Variants in PCIF1 observed in about 807,000 individuals in gnomAD.
PCIF1 encodes mRNA (2'-O-methyladenosine-N(6)-)-methyltransferase.
A neutral mutation model predicts 86.9 loss-of-function variants in PCIF1; 12 were observed. The ratio of observed to expected loss-of-function variants is 0.14; its 90% CI spans 0.09 to 0.22. The LOEUF is 0.22. Ranked by LOEUF, PCIF1 falls within the 10% of genes least tolerant of loss-of-function variation. PCIF1 has a pLI of 1.00. For synonymous variants in PCIF1, 397 were observed against 372.0 expected (o/e 1.07, Z -0.77); for missense variants, 701 against 951.1 (o/e 0.74, Z 3.46).
At position 45,943,543 on chromosome 20, in the gene PCIF1, T is replaced by C. The variant is rs1053023752; in HGVS notation, c.905+120T>C. The C allele has an allele frequency of 4.5e-6, 6 of 1,334,444 alleles. No homozygotes were observed. The highest frequency in any genetic ancestry group is 6.2e-6 in the Non-Finnish European group (6 of 963,296). 82.7% of individuals were successfully genotyped at this position (1,334,444 alleles called of 1,614,324 possible). On this transcript the variant is annotated intron_variant, in intron 9 of 16. Coordinates refer to ENST00000372409, the MANE Select transcript of PCIF1 (RefSeq NM_022104.4). The surrounding 1 kb of genome is among the most constrained non-coding windows in gnomAD (Gnocchi z 5.5). ...TCTCGGTGGCAGAAGTGGGGCCAGC[T>C]CCCAAAGGCAGAACAAGGGCTGTGA... is the stretch of plus-strand genomic sequence containing the variant.
rs1452254536 is a variant in PCIF1 at position 45,947,976 on chromosome 20, G to A, written c.*221G>A. On this transcript the variant is annotated 3_prime_UTR_variant, in exon 17 of 17. Coordinates refer to ENST00000372409, the MANE Select transcript of PCIF1 (RefSeq NM_022104.4). This position sits in a 1 kb window ranked among gnomAD's most constrained non-coding sequence, Gnocchi z 5.4. Reference sequence around the variant, plus strand: ...TCCCAACCCCGCCCCTCACCCTGTTGCCACCTTGTTTCATTTGTAAAAGGA... The same window carrying A: ...TCCCAACCCCGCCCCTCACCCTGTTACCACCTTGTTTCATTTGTAAAAGGA... 1.3e-6 allele frequency: 2 copies of A among 1,527,486 alleles called. No homozygotes were observed. Among genetic ancestry groups the A allele is most frequent in the African/African-American group, 1.4e-5 (1 of 72,770 alleles). The allele number at this position is 1,527,486 out of a possible 1,614,324, so 94.6% of individuals were successfully genotyped here.
chr20:45,947,452 A>T lies in PCIF1; in HGVS notation c.1883+14A>T. On this transcript the variant is annotated intron_variant, in intron 16 of 16. Transcript: ENST00000372409. The surrounding 1 kb of genome is among the most constrained non-coding windows in gnomAD (Gnocchi z 5.4). Reference sequence around the variant, plus strand: ...CATCTGCAAGAAGTGGGTGCCAGGGAGGGCAGGGGAAGGAGGCTGGGCTGG... The same window carrying T: ...CATCTGCAAGAAGTGGGTGCCAGGGTGGGCAGGGGAAGGAGGCTGGGCTGG... The T allele has an allele frequency of 1.2e-6, 2 of 1,613,678 alleles. No individual in the cohort carries two copies. The highest frequency in any genetic ancestry group is 1.3e-5 in the African/African-American group (1 of 75,050).
In PCIF1 at chr20:45,947,179, C is replaced by A; in HGVS notation, c.1707+13C>A. 1 of 1,609,684 alleles carries A rather than the reference C, an allele frequency of 6.2e-7. No homozygotes were observed. Among genetic ancestry groups the A allele is most frequent in the Non-Finnish European group, 8.5e-7 (1 of 1,176,700 alleles). ...CTCTCACTTTGAGGTGGGTGCACTGCCAGGGTGAGAGGTGGGCAACAGGCA... is the reference window on the plus strand; with the variant it reads ...CTCTCACTTTGAGGTGGGTGCACTGACAGGGTGAGAGGTGGGCAACAGGCA... On this transcript the variant is annotated intron_variant, in intron 15 of 16. Coordinates refer to ENST00000372409, the MANE Select transcript of PCIF1 (RefSeq NM_022104.4). The surrounding 1 kb of genome is among the most constrained non-coding windows in gnomAD (Gnocchi z 5.4).
chr20:45,935,193 TGC>T (rs57434270), intron 1 of PCIF1, among the ~76,000 whole-genome samples: 36 of 144,686 alleles, frequency 2.5e-4, no homozygotes, highest in East Asian at 1.1e-3. Context: ...GAGGGGAAGG[TGC>T]GCGCGCGCGC....
At chr20:45,939,641 G>A (rs1300689646) in intron 4 of PCIF1, among the ~76,000 whole-genome samples, 1 of 152,256 alleles carries the variant, frequency 6.6e-6, no homozygotes, top group East Asian at 1.9e-4. Flanking sequence ...GGTGACAGCA[G>A]GATTACACTT....
intron 7 of PCIF1, 26 bp downstream of exon 7, chr20:45,941,233 C>CT: frequency 6.4e-7 from 1 of 1,565,988 alleles, no homozygotes; most frequent in South Asian, 1.2e-5. Flanking sequence ...CTGCAGCCTC[C>CT]TTTATTTCCA....
chr20:45,934,978 T>G (rs1423825385), intron 1 of PCIF1, among the ~76,000 whole-genome samples, 174 bp downstream of exon 1: 1 of 151,756 alleles, frequency 6.6e-6, no homozygotes, highest in African/African-American at 2.4e-5. Flanking sequence ...GTGGCCGAAG[T>G]GAGGGAGGTG....
rs73293595 is a variant in PCIF1 at position 45,943,822 on chromosome 20, A to G, written c.1005+57A>G. ...TTAGGGCTCTGTGGCCACTTCCTCC[A>G]GGAAGCCTACTCTGCCTGTCCAGGC... On this transcript the variant is annotated intron_variant, in intron 10 of 16. Coordinates refer to ENST00000372409, the MANE Select transcript of PCIF1 (RefSeq NM_022104.4). The surrounding 1 kb of genome is among the most constrained non-coding windows in gnomAD (Gnocchi z 5.5). 6.4e-3 allele frequency: 9,268 copies of G among 1,444,080 alleles called. 90 individuals carry two copies. Among genetic ancestry groups the G allele is most frequent in the African/African-American group, 0.039 (2,740 of 71,020 alleles). The allele number at this position is 1,444,080 out of a possible 1,614,324, so 89.5% of individuals were successfully genotyped here.
Position 45,947,747 on chromosome 20 carries a change from C to T in PCIF1, c.2107C>T (p.Pro703Ser), listed in dbSNP as rs1240672847. 2.5e-6 allele frequency: 4 copies of T among 1,598,128 alleles called. No individual in the cohort carries two copies. Among genetic ancestry groups the T allele is most frequent in the Non-Finnish European group, 3.4e-6 (4 of 1,171,980 alleles). Reference protein sequence around the residue: ...REQGPSREPHPT With the variant: ...REQGPSREPHST ...GCAGGGTCCTAGCCGCGAGCCTCAC[C>T]CCACTTAACATATCCTGCGGGGAGG... The change falls in exon 17 of 17, where the codon CCC becomes TCC. Residue 703 changes from proline (P) to serine (S), a missense_variant. By Grantham distance (74) the Pro-to-Ser change is moderately conservative. This residue lies in a region of PCIF1 where 174 missense variants were observed against 206.9 expected (regional missense o/e 0.84). Transcript: ENST00000372409. The surrounding 1 kb of genome is among the most constrained non-coding windows in gnomAD (Gnocchi z 5.4).
chr20:45,945,920 A>G (rs752082463), intron 12 of PCIF1, 37 bp downstream of exon 12: 4 of 1,613,352 alleles, frequency 2.5e-6, no homozygotes, highest in East Asian at 2.2e-5. Flanking sequence ...AGCTGATGGC[A>G]TGAGTCAGGG....
At position 45,947,203 on chromosome 20, in the gene PCIF1, C is replaced by T. The variant is rs745480831; in HGVS notation, c.1707+37C>T. 1 of 1,600,748 alleles carries T rather than the reference C, an allele frequency of 6.2e-7. No individual in the cohort carries two copies. Among genetic ancestry groups the T allele is most frequent in the Non-Finnish European group, 8.5e-7 (1 of 1,169,992 alleles). ...GCCAGGGTGAGAGGTGGGCAACAGG[C>T]AGGATTGCCAGCCACCTGGGAGGTA... On this transcript the variant is annotated intron_variant, in intron 15 of 16. Coordinates refer to ENST00000372409, the MANE Select transcript of PCIF1 (RefSeq NM_022104.4). This position sits in a 1 kb window ranked among gnomAD's most constrained non-coding sequence, Gnocchi z 5.4.
chr20:45,946,531 G>C, intron 14 of PCIF1, 147 bp downstream of exon 14: 1 of 1,030,026 alleles, frequency 9.7e-7, no homozygotes, highest in Non-Finnish European at 1.4e-6. Flanking sequence ...TGGACATGTT[G>C]CTTAACTTCT....
Position 45,944,991 on chromosome 20 carries a change from G to C in PCIF1, c.1129G>C (p.Glu377Gln). ...CCTGGAGTACGTCAAACGGATCCGA[G>C]AGAAGCACCTTGCCATCCTCAAGGA... The part of the protein sequence containing the change: ...ISLEYVKRIR[E>Q]KHLAILKENN... Residue 377 changes from glutamate to glutamine, a missense_variant, in exon 11 of 17, where the codon GAG (glutamate) becomes CAG (glutamine). By Grantham distance (29) the Glu-to-Gln change is conservative. Transcript: ENST00000372409. 6.2e-7 allele frequency: 1 copy of C among 1,613,786 alleles called. No homozygotes were observed. Among genetic ancestry groups the C allele is most frequent in the Non-Finnish European group, 8.5e-7 (1 of 1,179,866 alleles).
In PCIF1 at chr20:45,947,720, G is replaced by C. The variant is rs1469444090; in HGVS notation, c.2080G>C (p.Glu694Gln). ...GGCCAAGGACCGGGACTCGGGCCGT[G>C]AGCAGGGTCCTAGCCGCGAGCCTCA... Reference protein sequence around the residue: ...SEAKDRDSGREQGPSREPHPT With the variant: ...SEAKDRDSGRQQGPSREPHPT Residue 694 changes from glutamate (E) to glutamine (Q), a missense_variant, in exon 17 of 17, where the codon GAG becomes CAG. This residue lies in a region of PCIF1 where 174 missense variants were observed against 206.9 expected (regional missense o/e 0.84). Transcript: ENST00000372409. This position sits in a 1 kb window ranked among gnomAD's most constrained non-coding sequence, Gnocchi z 5.4. The C allele has an allele frequency of 3.1e-6, 5 of 1,605,708 alleles. No homozygotes were observed. The highest frequency in any genetic ancestry group is 4.3e-6 in the Non-Finnish European group (5 of 1,175,606).
rs374462277 is a variant in PCIF1 at position 45,943,863 on chromosome 20, C to A, written c.1005+98C>A. 4.2e-6 allele frequency: 4 copies of A among 948,532 alleles called. No homozygotes were observed. Among genetic ancestry groups the A allele is most frequent in the Non-Finnish European group, 6.5e-6 (4 of 618,676 alleles). The allele number at this position is 948,532 out of a possible 1,614,324, so 58.8% of individuals were successfully genotyped here. A position where few individuals can be genotyped will look rare whatever the true frequency, so the allele number is the denominator to read the frequency against. Reference sequence around the variant, plus strand: ...CTGTCCAGGCTGGGCAAGGCCTCCCCCAGCGGCCTATTCTTGTGCAGTATG... The same window carrying A: ...CTGTCCAGGCTGGGCAAGGCCTCCCACAGCGGCCTATTCTTGTGCAGTATG... On this transcript the variant is annotated intron_variant, in intron 10 of 16. Coordinates refer to ENST00000372409, the MANE Select transcript of PCIF1 (RefSeq NM_022104.4). The surrounding 1 kb of genome is among the most constrained non-coding windows in gnomAD (Gnocchi z 5.5).
chr20:45,938,901 G>A (rs1011996114), intron 2 of PCIF1, 80 bp from the exon 3 acceptor site: 3 of 1,553,852 alleles, frequency 1.9e-6, no homozygotes, highest in African/African-American at 2.7e-5. Context: ...ACATCGGTGG[G>A]TGGTCACTGG....
At chr20:45,935,133 G>C (rs1301165232) in intron 1 of PCIF1, among the ~76,000 whole-genome samples, 1 of 151,316 alleles carries the variant, frequency 6.6e-6, no homozygotes, top group Non-Finnish European at 1.5e-5. Context: ...CCGAGAGATG[G>C]GCCGGCGCGC....
rs974674878 is a variant in PCIF1, at chr20:45,945,113, A to G, written c.1168+83A>G. 4 of 1,452,732 alleles carry G rather than the reference A, an allele frequency of 2.8e-6. No individual in the cohort carries two copies. In the African/African-American group the frequency reaches 4.2e-5, roughly 15 times the overall value. 90.0% of individuals were successfully genotyped at this position (1,452,732 alleles called of 1,614,324 possible). ...GAAGGGACAAGTGAGACTGAGCCTC[A>G]AGGCCAGGGACTGGTTTGGGGCAGA... On this transcript the variant is annotated intron_variant, in intron 11 of 16. Transcript: ENST00000372409.
At position 45,946,379 on chromosome 20, in the gene PCIF1, C is replaced by T; in HGVS notation, c.1608C>T (p.Ser536=). The T allele has an allele frequency of 6.2e-7, 1 of 1,613,050 alleles. No homozygotes were observed. The highest frequency in any genetic ancestry group is 2.2e-5 in the East Asian group (1 of 44,890). Reference sequence around the variant, plus strand: ...CCGACACAGACGGCTACTTTGGCTCCCGCGGGTGAGGGCCAAGGGCTGCCC... The same window carrying T: ...CCGACACAGACGGCTACTTTGGCTCTCGCGGGTGAGGGCCAAGGGCTGCCC... The part of the protein sequence containing the change: ...AFPDTDGYFG[S]RGPCLDFAPL... Residue 536 remains serine, a synonymous_variant, in exon 14 of 17, where the codon TCC becomes TCT. Coordinates refer to ENST00000372409, the MANE Select transcript of PCIF1 (RefSeq NM_022104.4).
Sources: allele counts gnomAD v4.1 joint callset (sites outside exome capture counted in the v4.1 genomes callset), GRCh38; gene constraint gnomAD v4.1.1; regional missense constraint gnomAD v4.1.1; non-coding constraint Gnocchi (gnomAD v3.1); transcripts MANE v1.5; gene names NCBI Gene and HGNC (gene_info 2026-07-23, HGNC 2026-07-21).